EBF3: variants seen among roughly 807,000 people sequenced by gnomAD.
The protein encoded by EBF3 is EBF transcription factor 3.
EBF3 carries 18 observed loss-of-function variants against 77.1 expected under a neutral mutation model. The observed-to-expected ratio is 0.23, with a 90% CI of 0.16 to 0.35. The LOEUF (loss-of-function observed/expected upper bound fraction) is 0.35, where lower values mean the gene tolerates loss of function less well. EBF3 is among the 10% of genes least tolerant of loss of function. EBF3 has a pLI of 1.00. For synonymous variants in EBF3, 350 were observed against 343.5 expected, an observed-to-expected ratio of 1.02 and a Z score of -0.21; for missense variants, 558 against 860.0, an observed-to-expected ratio of 0.65 and a Z score of 4.39.
intron 6 of EBF3, among the ~76,000 whole-genome samples, chr10:129,908,432 C>T (rs1482782090): frequency 6.6e-6 from 1 of 152,190 alleles, no homozygotes; most frequent in African/African-American, 2.4e-5. Context: ...ACACCATTTC[C>T]CAGCAGAACT....
chr10:129,925,984 C>T (rs1032020427), intron 6 of EBF3, among the ~76,000 whole-genome samples: 20 of 152,152 alleles, frequency 1.3e-4, no homozygotes, highest in African/African-American at 4.8e-4. Flanking sequence ...ATTAATAGCC[C>T]TGATACCTTT....
chr10:129,842,123 G>A lies in EBF3; in HGVS notation c.1365C>T (p.Asn455=), dbSNP rs200954762. ...CCCAGCATGCTGGCATACCTTGGTC[G>A]TTGGCTTGTGACGTCTCTGACACGT... ...AVNVSETSQA[N]DQVGYSRNTS... Residue 455 remains asparagine (N), a synonymous_variant, in exon 13 of 17, where the codon AAC becomes AAT. Coordinates refer to ENST00000440978, the MANE Select transcript of EBF3 (RefSeq NM_001375380.1). This position sits in a 1 kb window ranked among gnomAD's most constrained non-coding sequence, Gnocchi z 4.4. 4.4e-5 allele frequency: 71 copies of A among 1,614,226 alleles called. No homozygotes were observed. Among genetic ancestry groups the A allele is most frequent in the Middle Eastern group, 3.3e-4 (2 of 6,062 alleles).
intron 7 of EBF3, among the ~76,000 whole-genome samples, chr10:129,876,020 G>A (rs1410963307): frequency 6.6e-6 from 1 of 152,234 alleles, no homozygotes. Context: ...ACATGAAAAA[G>A]TAAAAACAAA....
At chr10:129,893,498 TCAATTTTTGTTCA>T in intron 6 of EBF3, among the ~76,000 whole-genome samples, 1 of 152,218 alleles carries the variant, frequency 6.6e-6, no homozygotes, top group South Asian at 2.1e-4. Flanking sequence ...ATGAAAACTG[TCAATTTTTGTTCA>T]TAAGTAATTT....
At chr10:129,961,502 C>A (rs1297980054) in intron 4 of EBF3, among the ~76,000 whole-genome samples, 1 of 152,170 alleles carries the variant, frequency 6.6e-6, no homozygotes, top group South Asian at 2.1e-4. Flanking sequence ...TTGACCAAGA[C>A]AGGTTAAATA....
chr10:129,840,276 G>A lies in EBF3; in HGVS notation c.1728C>T (p.Ser576=). ...GTCCATTCCCGTTGGCGCTGGTGCA[G>A]GAAGGAGGAGGAGAGGCTTGGGGCC... is the stretch of plus-strand genomic sequence containing the variant. The part of the protein sequence containing the change: ...VVRPQASPPP[S]CTSANGNGLQ... Residue 576 remains serine (S), a synonymous_variant, in exon 15 of 17, where the codon TCC becomes TCT. Transcript: ENST00000440978. The A allele has an allele frequency of 6.3e-7, 1 of 1,590,664 alleles. No individual in the cohort carries two copies.
chr10:129,954,412 TCC>T (rs543249584), intron 6 of EBF3, among the ~76,000 whole-genome samples: 1 of 142,356 alleles, frequency 7.0e-6, no homozygotes, highest in Non-Finnish European at 1.5e-5. Flanking sequence ...CAGCCTCACT[TCC>T]CCCCCCCCTT....
chr10:129,845,253 A>T (rs1850368829), intron 11 of EBF3: 1 of 152,234 alleles, frequency 6.6e-6, no homozygotes, highest in South Asian at 2.1e-4. Context: ...GCTTATGCAT[A>T]CTGCCTCATG....
At chr10:129,865,677 T>C (rs1851957904) in intron 10 of EBF3, among the ~76,000 whole-genome samples, 1 of 152,190 alleles carries the variant, frequency 6.6e-6, no homozygotes, top group South Asian at 2.1e-4. Context: ...CTGGGCCTGA[T>C]GTACAGTGGG....
chr10:129,883,207 C>T (rs371280905), intron 6 of EBF3, among the ~76,000 whole-genome samples: 2 of 152,308 alleles, frequency 1.3e-5, no homozygotes, highest in African/African-American at 2.4e-5. Flanking sequence ...GAAGGTGTGA[C>T]ACTGACTGGC....
At chr10:129,955,145 C>T (rs1199121453) in intron 6 of EBF3, among the ~76,000 whole-genome samples, 2 of 152,124 alleles carry the variant, frequency 1.3e-5, no homozygotes, top group Non-Finnish European at 2.9e-5. Flanking sequence ...ACAGACAACA[C>T]AATGCTAATA....
At chr10:129,945,330 C>G (rs560500084) in intron 6 of EBF3, among the ~76,000 whole-genome samples, 2 of 152,200 alleles carry the variant, frequency 1.3e-5, no homozygotes, top group African/African-American at 4.8e-5. Flanking sequence ...AACCATCCCT[C>G]GAAGATAACT....
At position 129,867,889 on chromosome 10, in the gene EBF3, T is replaced by A; in HGVS notation, c.805A>T (p.Ser269Cys). 1 of 1,614,208 alleles carries A rather than the reference T, an allele frequency of 6.2e-7. No individual in the cohort carries two copies. The highest frequency in any genetic ancestry group is 8.5e-7 in the Non-Finnish European group (1 of 1,180,032). Reference sequence around the variant, plus strand: ...CCCGTGGTCCAGCCTTCACTGGGACTGATGGCCTTGATGCACGGAGTGGCT... The same window carrying A: ...CCCGTGGTCCAGCCTTCACTGGGACAGATGGCCTTGATGCACGGAGTGGCT... ...ENATPCIKAI[S>C]PSEGWTTGGA... Residue 269 changes from serine to cysteine, a missense_variant, in exon 9 of 17, where the codon AGT becomes TGT. Physicochemically the swap from Ser to Cys is moderately radical, Grantham distance 112. Transcript: ENST00000440978.
At chr10:129,942,224 T>C (rs907423392) in intron 6 of EBF3, among the ~76,000 whole-genome samples, 1 of 152,200 alleles carries the variant, frequency 6.6e-6, no homozygotes, top group African/African-American at 2.4e-5. Context: ...ATCGCAGCTT[T>C]TGAGTGATTT....
chr10:129,930,976 T>A (rs1350147402), intron 6 of EBF3, among the ~76,000 whole-genome samples: 1 of 151,342 alleles, frequency 6.6e-6, no homozygotes, highest in Non-Finnish European at 1.5e-5. Flanking sequence ...CTCTCATATA[T>A]CTATATCTCT....
intron 10 of EBF3, among the ~76,000 whole-genome samples, chr10:129,851,829 G>A (rs574434519): frequency 6.6e-6 from 1 of 152,280 alleles, no homozygotes; most frequent in Admixed American, 6.5e-5. Flanking sequence ...CGTGCCATAA[G>A]ATATTAACAT....
At chr10:129,940,793 G>C (rs925819422) in intron 6 of EBF3, among the ~76,000 whole-genome samples, 3 of 152,178 alleles carry the variant, frequency 2.0e-5, no homozygotes, top group Non-Finnish European at 2.9e-5. Flanking sequence ...GGAACCGCGG[G>C]GGAGTCTGGG....
intron 6 of EBF3, among the ~76,000 whole-genome samples, chr10:129,931,818 C>A (rs1857045877): frequency 6.6e-6 from 1 of 152,250 alleles, no homozygotes; most frequent in Admixed American, 6.5e-5. Context: ...GTGTCCTATT[C>A]TTCCCAACCC....
rs1468619359 is a variant in EBF3 at position 129,837,941 on chromosome 10, G to A, written c.*2C>T. 1.9e-6 allele frequency: 3 copies of A among 1,613,978 alleles called. No homozygotes were observed. The highest frequency in any genetic ancestry group is 1.3e-5 in the African/African-American group (1 of 74,928). On this transcript the variant is annotated 3_prime_UTR_variant, in exon 17 of 17. Coordinates refer to ENST00000440978, the MANE Select transcript of EBF3 (RefSeq NM_001375380.1). ...AAACAGAAGTCCCTCACATTGGCGG[G>A]ACTACCAGCCCAGACATAGCTGCAA...
Sources: allele counts gnomAD v4.1 joint callset (sites outside exome capture counted in the v4.1 genomes callset), GRCh38; gene constraint gnomAD v4.1.1; non-coding constraint Gnocchi (gnomAD v3.1); transcripts MANE v1.5; gene names NCBI Gene and HGNC (gene_info 2026-07-23, HGNC 2026-07-21).